POT1: variants seen among roughly 807,000 people sequenced by gnomAD.
POT1 encodes the protein protection of telomeres protein 1.
POT1 carries 47 observed loss-of-function variants against 78.5 expected under a neutral mutation model. The ratio of observed to expected loss-of-function variants is 0.60; its 90% CI spans 0.47 to 0.76. The LOEUF is 0.76. POT1 is among the 30% of genes least tolerant of loss of function. POT1 has a pLI of 0.00. For synonymous variants in POT1, 259 were observed against 260.7 expected (o/e 0.99, Z 0.06); for missense variants, 646 against 749.9 (o/e 0.86, Z 1.62).
At chr7:124,897,075 G>T in intron 5 of POT1, 90 bp downstream of exon 5, 1 of 719,802 alleles carries the variant, frequency 1.4e-6, no homozygotes, top group Non-Finnish European at 2.1e-6. Flanking sequence ...AGACTACAAA[G>T]TGGACTGAAT....
At chr7:124,837,745 C>T (rs1032057642) in intron 14 of POT1, among the ~76,000 whole-genome samples, 3 of 151,942 alleles carry the variant, frequency 2.0e-5, no homozygotes, top group Non-Finnish European at 2.9e-5. Flanking sequence ...TAACCAAATA[C>T]ATTACAAGAA....
At chr7:124,926,681 A>G (rs567967976) in intron 2 of POT1, among the ~76,000 whole-genome samples, 4 of 152,330 alleles carry the variant, frequency 2.6e-5, no homozygotes, top group Admixed American at 6.5e-5. Flanking sequence ...GCAATCAACC[A>G]AAGTGTACAT....
At chr7:124,872,857 C>T (rs377690680) in intron 6 of POT1, among the ~76,000 whole-genome samples, 1 of 152,176 alleles carries the variant, frequency 6.6e-6, no homozygotes, top group African/African-American at 2.4e-5. Flanking sequence ...CACACCCTCT[C>T]GATACTAGTC....
At chr7:124,841,295 T>C in intron 13 of POT1, 117 bp from the exon 14 acceptor site, 1 of 725,262 alleles carries the variant, frequency 1.4e-6, no homozygotes, top group Non-Finnish European at 2.2e-6. Context: ...AGTCAGTTAC[T>C]TTTTCTTAAA....
In POT1 at chr7:124,841,150, C is replaced by G. The variant is rs758633070; in HGVS notation, c.1192G>C (p.Asp398His). Residue 398 changes from aspartate (D) to histidine (H), a missense_variant, in exon 14 of 19, where the codon GAT becomes CAT. Physicochemically the swap from Asp to His is moderately conservative, Grantham distance 81. Around this residue, in one of 2 missense-constraint regions of POT1, gnomAD observed 394 missense variants for 408.4 expected, o/e 0.96. Transcript: ENST00000357628. Reference sequence around the variant, plus strand: ...GTTGCACCATCCTGAAAAATTATATCCAAATCGCCCTCATGTGGAACTTCT... The same window carrying G: ...GTTGCACCATCCTGAAAAATTATATGCAAATCGCCCTCATGTGGAACTTCT... ...LQEVPHEGDL[D>H]IIFQDGATKT... The G allele has an allele frequency of 6.2e-7, 1 of 1,612,118 alleles. No individual in the cohort carries two copies. Among genetic ancestry groups the G allele is most frequent in the African/African-American group, 1.3e-5 (1 of 74,812 alleles).
rs1794705650 is a variant in POT1, at chr7:124,829,334, T to C, written c.1514A>G (p.Gln505Arg). ...QGTIHHYGCKQCSSLRSIQNL... is the reference protein window; with the variant it reads ...QGTIHHYGCKRCSSLRSIQNL... ...TTGTATGGATCTCAAACTAGAACACTGTTTACATCTGAAATTTATAAAAGA... is the reference window on the plus strand; with the variant it reads ...TTGTATGGATCTCAAACTAGAACACCGTTTACATCTGAAATTTATAAAAGA... The change falls in exon 16 of 19, where the codon CAG becomes CGG. Residue 505 changes from glutamine to arginine, a missense_variant. Gln to Arg is a conservative substitution (Grantham distance 43, BLOSUM62 1). Around this residue, in one of 2 missense-constraint regions of POT1, gnomAD observed 394 missense variants for 408.4 expected, o/e 0.96. Coordinates refer to ENST00000357628, the MANE Select transcript of POT1 (RefSeq NM_015450.3). 2 of 1,547,906 alleles carry C rather than the reference T, an allele frequency of 1.3e-6. No individual in the cohort carries two copies. The highest frequency in any genetic ancestry group is 8.9e-7 in the Non-Finnish European group (1 of 1,128,532).
intron 11 of POT1, among the ~76,000 whole-genome samples, chr7:124,847,541 G>A (rs1795201630): frequency 6.6e-6 from 1 of 152,208 alleles, no homozygotes; most frequent in Non-Finnish European, 1.5e-5. Flanking sequence ...TGTAGAGATT[G>A]CAAAGCAGAT....
intron 6 of POT1, among the ~76,000 whole-genome samples, chr7:124,874,556 A>C (rs1292953778): frequency 6.6e-6 from 1 of 152,020 alleles, no homozygotes; most frequent in Non-Finnish European, 1.5e-5. Context: ...AACGTGGTGA[A>C]ACCCCACCTC....
chr7:124,846,303 C>A (rs189575418), intron 12 of POT1, among the ~76,000 whole-genome samples: 1 of 152,146 alleles, frequency 6.6e-6, no homozygotes, highest in South Asian at 2.1e-4. Flanking sequence ...CCTCCAATTA[C>A]AACACAACAT....
intron 3 of POT1, among the ~76,000 whole-genome samples, chr7:124,903,500 G>C (rs917415615): frequency 2.0e-5 from 3 of 152,174 alleles, no homozygotes; most frequent in African/African-American, 7.2e-5. Flanking sequence ...CAACATACCA[G>C]CATCTCTGGG....
intron 9 of POT1, among the ~76,000 whole-genome samples, chr7:124,855,216 A>G (rs1055027453): frequency 3.4e-5 from 4 of 119,064 alleles, no homozygotes; most frequent in Non-Finnish European, 7.0e-5. Context: ...CAGAGAGGAG[A>G]GCAAAAAAAA....
chr7:124,872,652 T>C lies in POT1; in HGVS notation c.125-1611A>G, dbSNP rs1562998179. Among the ~76,000 whole-genome samples, 3 of 152,302 alleles carry C rather than the reference T, an allele frequency of 2.0e-5. No homozygotes were observed. In the East Asian group the frequency reaches 5.8e-4, roughly 29 times the overall value. On this transcript the variant is annotated intron_variant, in intron 6 of 18. Transcript: ENST00000357628. ...CGTATATTTAGGAGAAAACAGTATATACAGGGTTCAGTACCATCCACGGTT... is the reference window on the plus strand; with the variant it reads ...CGTATATTTAGGAGAAAACAGTATACACAGGGTTCAGTACCATCCACGGTT...
intron 11 of POT1, 69 bp from the exon 12 acceptor site, chr7:124,847,067 C>T (rs1050881219): frequency 3.7e-5 from 39 of 1,046,122 alleles, no homozygotes; most frequent in African/African-American, 2.7e-4. Flanking sequence ...AACAATGGAG[C>T]GTTGCTGAGA....
chr7:124,867,250 A>G (rs191206528), intron 7 of POT1, among the ~76,000 whole-genome samples: 3 of 151,958 alleles, frequency 2.0e-5, no homozygotes, highest in Admixed American at 6.6e-5. Flanking sequence ...CTTCTAAAGA[A>G]TATCTTTGCC....
At chr7:124,874,721 T>G (rs1795948554) in intron 6 of POT1, among the ~76,000 whole-genome samples, 1 of 143,422 alleles carries the variant, frequency 7.0e-6, no homozygotes. Flanking sequence ...GATGATAGCG[T>G]GAGATCTGCC....
In POT1 at chr7:124,835,422, G is replaced by A. The variant is rs760977808; in HGVS notation, c.1370-8C>T. On this transcript the variant is annotated splice_region_variant and splice_polypyrimidine_tract_variant and intron_variant, in intron 14 of 18. Transcript: ENST00000357628. Reference sequence around the variant, plus strand: ...TTTCACTGAGTGTACCTCCTGTTAAGAGAATAAATAAATCCTTCAAGTAGT... The same window carrying A: ...TTTCACTGAGTGTACCTCCTGTTAAAAGAATAAATAAATCCTTCAAGTAGT... 6.2e-7 allele frequency: 1 copy of A among 1,608,934 alleles called. No homozygotes were observed. Among genetic ancestry groups the A allele is most frequent in the South Asian group, 1.1e-5 (1 of 90,916 alleles).
chr7:124,884,495 G>T (rs1034377967), intron 6 of POT1, among the ~76,000 whole-genome samples: 5 of 152,098 alleles, frequency 3.3e-5, no homozygotes, highest in Non-Finnish European at 5.9e-5. Context: ...TTTAATGGGA[G>T]GTAGGGTAAG....
Position 124,877,840 on chromosome 7 carries a change from C to CAAA in POT1, c.125-6802_125-6800dup, listed in dbSNP as rs201285982. Among the ~76,000 whole-genome samples the CAAA allele has an allele frequency of 6.1e-3, 492 of 80,424 alleles. 40 individuals are homozygous for CAAA. The highest frequency in any genetic ancestry group is 0.017 in the African/African-American group (420 of 24,138). 52.8% of individuals were successfully genotyped at this position (80,424 alleles called of 152,430 possible). On this transcript the variant is annotated intron_variant, in intron 6 of 18. Transcript: ENST00000357628. ...TGGGCGACAGAGAGAGATTCTGTCT[C>CAAA]AAAAAAAAAAAAAAAAAAAAAAAAA...
At chr7:124,921,755 G>C (rs2116713257) in intron 2 of POT1, among the ~76,000 whole-genome samples, 1 of 151,944 alleles carries the variant, frequency 6.6e-6, no homozygotes. Flanking sequence ...ATAAAATAAA[G>C]GAGAAAGGAA....
Sources: allele counts gnomAD v4.1 joint callset (sites outside exome capture counted in the v4.1 genomes callset), GRCh38; gene constraint gnomAD v4.1.1; regional missense constraint gnomAD v4.1.1; transcripts MANE v1.5; gene names NCBI Gene and HGNC (gene_info 2026-07-23, HGNC 2026-07-21).